Variants in SLC39A14 observed in about 807,000 individuals in gnomAD.
The protein encoded by SLC39A14 is metal cation symporter ZIP14.
In SLC39A14, 19 loss-of-function variants were observed where a neutral mutation model predicts 45.5. The ratio of observed to expected loss-of-function variants is 0.42; its 90% confidence interval spans 0.29 to 0.61. SLC39A14 has a LOEUF of 0.61. Ranked by LOEUF, SLC39A14 falls within the 20% of genes least tolerant of loss-of-function variation. SLC39A14 has a pLI of 0.22. For missense variants in SLC39A14, 447 were observed against 616.5 expected, an observed-to-expected ratio of 0.73 and a Z score of 2.91; for synonymous variants, 264 against 251.3, an observed-to-expected ratio of 1.05 and a Z score of -0.48.
chr8:22,430,714 C>G (rs1467064577), intron 8 of SLC39A14, among the ~76,000 whole-genome samples: 1 of 152,162 alleles, frequency 6.6e-6, no homozygotes, highest in East Asian at 1.9e-4. Flanking sequence ...GCTCTGTCGT[C>G]CAGGCTGGAG....
chr8:22,389,457 C>T (rs1215688041), intron 1 of SLC39A14, among the ~76,000 whole-genome samples: 2 of 108,322 alleles, frequency 1.8e-5, no homozygotes, highest in Non-Finnish European at 1.9e-5. Flanking sequence ...CAGGAGGACC[C>T]GGGGGAGGTG....
chr8:22,428,867 T>C lies in SLC39A14; in HGVS notation c.1333-5024T>C, dbSNP rs186895274. Among the ~76,000 whole-genome samples, 4 of 152,370 alleles carry C rather than the reference T, an allele frequency of 2.6e-5. No homozygotes were observed. The East Asian group carries it at 7.7e-4, about 29-fold the overall frequency. ...AAGCAGCCTTGTAAACTAGTTTAAA[T>C]GGGAGAATCCTTGGAAAAGTGTTGA... On this transcript the variant is annotated intron_variant, in intron 8 of 8. Transcript: ENST00000240095.
chr8:22,370,597 C>A (rs1026055050), intron 1 of SLC39A14, among the ~76,000 whole-genome samples: 2 of 152,116 alleles, frequency 1.3e-5, no homozygotes, highest in Admixed American at 6.6e-5. Flanking sequence ...GGCCAAGAGA[C>A]TTGATGGAGA....
chr8:22,401,816 G>A (rs1225351001), intron 1 of SLC39A14, among the ~76,000 whole-genome samples: 3 of 152,042 alleles, frequency 2.0e-5, no homozygotes, highest in South Asian at 2.1e-4. Flanking sequence ...GATTACAGGC[G>A]TGAGCCACTG....
At position 22,415,915 on chromosome 8, in the gene SLC39A14, C is replaced by T. The variant is rs1835849065; in HGVS notation, c.897C>T (p.Pro299=). Residue 299 remains proline, a synonymous_variant, in exon 6 of 9, where the codon CCC becomes CCT. Transcript: ENST00000381237. ...HCSSELDGKA[P]MVDEKVIVGS... ...GCAGTGAGCTGGACGGCAAGGCGCC[C>T]ATGGTGGACGAGAAGGTCATTGTGG... The T allele has an allele frequency of 6.2e-7, 1 of 1,608,918 alleles. No homozygotes were observed. Among genetic ancestry groups the T allele is most frequent in the Admixed American group, 1.7e-5 (1 of 58,798 alleles).
chr8:22,401,543 C>CTTTTTTTTTTTTTTT (rs71544899), intron 1 of SLC39A14, among the ~76,000 whole-genome samples: 16 of 84,074 alleles, frequency 1.9e-4, no homozygotes, highest in Non-Finnish European at 2.6e-4. Context: ...TCTTCTCTTT[C>CTTTTTTTTTTTTTTT]TTTTTTTTTT....
chr8:22,368,285 A>C (rs551672863), intron 1 of SLC39A14, among the ~76,000 whole-genome samples: 3 of 152,074 alleles, frequency 2.0e-5, no homozygotes, highest in East Asian at 3.9e-4. Context: ...GTTTGGGTTT[A>C]CGTCTTTAGT....
chr8:22,376,548 C>T (rs550348875), intron 1 of SLC39A14, among the ~76,000 whole-genome samples: 2 of 151,828 alleles, frequency 1.3e-5, no homozygotes, highest in East Asian at 3.9e-4. Context: ...GATTTCCACA[C>T]TGAAAAAAGG....
In SLC39A14 at chr8:22,421,334, A is replaced by G. The variant is rs1470780593; in HGVS notation, c.*1636A>G. The G allele has an allele frequency of 1.0e-6, 1 of 985,768 alleles. No individual in the cohort carries two copies. Among genetic ancestry groups the G allele is most frequent in the Non-Finnish European group, 1.2e-6 (1 of 829,946 alleles). The allele number at this position is 985,768 out of a possible 1,614,324, so 61.1% of individuals were successfully genotyped here. Reference sequence around the variant, plus strand: ...CTTGGGAGACATCTGTCAAACCAGGAATATTCTTGAAAAGAACGTGAGCAG... The same window carrying G: ...CTTGGGAGACATCTGTCAAACCAGGGATATTCTTGAAAAGAACGTGAGCAG... On this transcript the variant is annotated 3_prime_UTR_variant, in exon 9 of 9. Transcript: ENST00000381237.
chr8:22,379,363 G>A (rs1833378178), intron 1 of SLC39A14: 1 of 152,250 alleles, frequency 6.6e-6, no homozygotes, highest in Admixed American at 6.5e-5. Flanking sequence ...GTTGTGGGAA[G>A]TGTTGCTTAC....
chr8:22,385,310 G>A (rs1015637544), intron 1 of SLC39A14, among the ~76,000 whole-genome samples: 3 of 152,174 alleles, frequency 2.0e-5, no homozygotes, highest in Admixed American at 2.0e-4. Flanking sequence ...CTTTCAGTGG[G>A]TGTTGTTTGG....
At chr8:22,406,470 G>A (rs1835218129) in intron 2 of SLC39A14, among the ~76,000 whole-genome samples, 1 of 152,108 alleles carries the variant, frequency 6.6e-6, no homozygotes, top group Admixed American at 6.6e-5. Context: ...GAGGCAGGTG[G>A]ATCACGAGGT....
intron 8 of SLC39A14, among the ~76,000 whole-genome samples, chr8:22,418,958 G>A (rs1445433220): frequency 2.0e-5 from 3 of 152,014 alleles, no homozygotes; most frequent in Non-Finnish European, 4.4e-5. Flanking sequence ...GAGCCCAGGA[G>A]TTTGAGGCTG....
intron 1 of SLC39A14, among the ~76,000 whole-genome samples, chr8:22,384,271 T>G (rs1188547464): frequency 2.0e-5 from 3 of 152,150 alleles, no homozygotes; most frequent in African/African-American, 7.2e-5. Context: ...CAGCCTGTAC[T>G]TGTGGACTTT....
At chr8:22,426,112 G>A (rs1989320), downstream of SLC39A14, among the ~76,000 whole-genome samples, 7,850 of 152,028 alleles carry the variant, frequency 0.052, 226 homozygotes, top group East Asian at 0.098. Flanking sequence ...GGTTGGTCTC[G>A]AACTCCCGAC....
chr8:22,393,312 G>A, intron 1 of SLC39A14: 1 of 883,932 alleles, frequency 1.1e-6, no homozygotes, highest in Non-Finnish European at 1.4e-6. Flanking sequence ...GCAGGGCCAA[G>A]CGAGGGTTGG....
At chr8:22,386,486 C>T (rs779913973) in intron 1 of SLC39A14, among the ~76,000 whole-genome samples, 6 of 152,108 alleles carry the variant, frequency 3.9e-5, no homozygotes, top group South Asian at 2.1e-4. Context: ...AGGCTGGTCT[C>T]GAACTTCTGA....
intron 1 of SLC39A14, among the ~76,000 whole-genome samples, chr8:22,396,593 A>C (rs1245412178): frequency 1.1e-5 from 1 of 94,778 alleles, no homozygotes; most frequent in Non-Finnish European, 2.2e-5. Flanking sequence ...AGAGAGAGAG[A>C]GAGAGAAGAC....
rs183626287 is a variant in SLC39A14 at position 22,432,453 on chromosome 8, C to G, written c.1333-1438C>G. ...CCTTCTCTCTCTCTTCTCCCTCCTT[C>G]CTTTTTCTCTCTCTCTCTCTCTTTT... On this transcript the variant is annotated intron_variant, in intron 8 of 8. Transcript: ENST00000240095. 1.3e-4 allele frequency among the ~76,000 whole-genome samples: 19 copies of G among 151,860 alleles called. No homozygotes were observed. In the East Asian group the frequency reaches 3.5e-3, roughly 28 times the overall value.
Sources: allele counts gnomAD v4.1 joint callset (sites outside exome capture counted in the v4.1 genomes callset), GRCh38; gene constraint gnomAD v4.1.1; transcripts MANE v1.5; gene names NCBI Gene and HGNC (gene_info 2026-07-23, HGNC 2026-07-21).